Variants in CCNY observed in about 807,000 individuals in gnomAD.
CCNY encodes the protein cyclin-Y.
A neutral mutation model predicts 42.8 loss-of-function variants in CCNY; 19 were observed. The ratio of observed to expected loss-of-function variants is 0.44; its 90% CI spans 0.31 to 0.65. The LOEUF (loss-of-function observed/expected upper bound fraction) is 0.65. Ranked by LOEUF, CCNY falls within the 30% of genes least tolerant of loss-of-function variation. The pLI, the probability that CCNY is intolerant of heterozygous loss-of-function variation, is 0.07. For synonymous variants in CCNY, 165 were observed against 162.7 expected (o/e 1.01, Z -0.11); for missense variants, 370 against 437.3 (o/e 0.85, Z 1.37).
intron 3 of CCNY, among the ~76,000 whole-genome samples, chr10:35,278,149 A>C (rs749921943): frequency 3.9e-5 from 6 of 152,112 alleles, no homozygotes; most frequent in Non-Finnish European, 7.4e-5. Flanking sequence ...CCAGCTCTCC[A>C]GCAAGTCTTC....
intron 2 of CCNY, among the ~76,000 whole-genome samples, chr10:35,492,258 C>T (rs1195368071): frequency 6.6e-6 from 1 of 152,226 alleles, no homozygotes; most frequent in African/African-American, 2.4e-5. Context: ...GGGTCCCCTC[C>T]CCTCCAGGCC....
chr10:35,323,252 T>C (rs923003548), intron 3 of CCNY, among the ~76,000 whole-genome samples: 11 of 152,166 alleles, frequency 7.2e-5, no homozygotes, highest in Middle Eastern at 6.8e-3. Flanking sequence ...AAATTAAACA[T>C]ACACTTAGCA....
intron 7 of CCNY, among the ~76,000 whole-genome samples, chr10:35,535,745 T>A (rs1352390387): frequency 6.6e-6 from 1 of 152,176 alleles, no homozygotes; most frequent in Non-Finnish European, 1.5e-5. Flanking sequence ...AGCGTTTACA[T>A]TGTATTAGGT....
chr10:35,542,118 T>C (rs953106663), intron 7 of CCNY, among the ~76,000 whole-genome samples: 1 of 148,028 alleles, frequency 6.8e-6, no homozygotes, highest in African/African-American at 2.5e-5. Flanking sequence ...GACACCATAT[T>C]GTATCTAGTT....
At chr10:35,354,669 G>A (rs926288756) in intron 1 of CCNY, among the ~76,000 whole-genome samples, 5 of 152,164 alleles carry the variant, frequency 3.3e-5, no homozygotes, top group Admixed American at 6.5e-5. Context: ...TGTTCATTGT[G>A]TTTAACAGAA....
chr10:35,381,165 C>T (rs898198827), intron 1 of CCNY, among the ~76,000 whole-genome samples: 1 of 152,138 alleles, frequency 6.6e-6, no homozygotes, highest in African/African-American at 2.4e-5. Flanking sequence ...GATATTCTTT[C>T]CCCCAAAATC....
At chr10:35,473,499 C>T (rs2135348725) in intron 1 of CCNY, among the ~76,000 whole-genome samples, 1 of 152,116 alleles carries the variant, frequency 6.6e-6, no homozygotes, top group East Asian at 1.9e-4. Context: ...AAAGGCGGGT[C>T]TAAGGGAGGC....
At chr10:35,346,620 A>G (rs1836309359) in intron 1 of CCNY, among the ~76,000 whole-genome samples, 1 of 152,168 alleles carries the variant, frequency 6.6e-6, no homozygotes, top group African/African-American at 2.4e-5. Context: ...GAAGATGGAC[A>G]TTCTATACAT....
At chr10:35,367,012 G>T (rs1414571295) in intron 1 of CCNY, among the ~76,000 whole-genome samples, 1 of 152,182 alleles carries the variant, frequency 6.6e-6, no homozygotes, top group Non-Finnish European at 1.5e-5. Context: ...TAACTGAATT[G>T]TCTGTTGTTC....
At chr10:35,418,344 C>T (rs1487787576) in intron 1 of CCNY, among the ~76,000 whole-genome samples, 3 of 152,094 alleles carry the variant, frequency 2.0e-5, no homozygotes, top group African/African-American at 4.8e-5. Flanking sequence ...TTGATCACCA[C>T]ACTTTCTCAA....
intron 3 of CCNY, among the ~76,000 whole-genome samples, chr10:35,309,579 C>T (rs1050090801): frequency 5.9e-5 from 9 of 152,082 alleles, no homozygotes; most frequent in Non-Finnish European, 1.2e-4. Context: ...CACCACCATA[C>T]CCAGCTAATT....
intron 1 of CCNY, among the ~76,000 whole-genome samples, chr10:35,418,663 G>A (rs1044330543): frequency 3.3e-5 from 5 of 151,960 alleles, no homozygotes; most frequent in African/African-American, 1.2e-4. Flanking sequence ...GTATGTGGGG[G>A]ACAGTGGAGG....
chr10:35,478,287 A>C (rs1839567620), intron 1 of CCNY, among the ~76,000 whole-genome samples: 1 of 151,280 alleles, frequency 6.6e-6, no homozygotes, highest in Non-Finnish European at 1.5e-5. Flanking sequence ...GGAAAAAACT[A>C]CTTTAAAGTT....
chr10:35,300,557 C>T (rs1835522000), intron 3 of CCNY, among the ~76,000 whole-genome samples: 1 of 152,086 alleles, frequency 6.6e-6, no homozygotes, highest in South Asian at 2.1e-4. Flanking sequence ...AGTCTTGTCT[C>T]ATATTTGTTT....
chr10:35,444,338 C>T (rs186221038), intron 1 of CCNY, among the ~76,000 whole-genome samples: 21 of 151,922 alleles, frequency 1.4e-4, no homozygotes, highest in African/African-American at 4.8e-4. Context: ...ACCTCTGCCC[C>T]CCGGGTTCAA....
intron 1 of CCNY, among the ~76,000 whole-genome samples, chr10:35,398,004 G>C (rs1010739059): frequency 2.0e-5 from 3 of 152,206 alleles, no homozygotes; most frequent in African/African-American, 7.2e-5. Flanking sequence ...ACCAGACTCT[G>C]TTCTCTGAGC....
At position 35,529,964 on chromosome 10, in the gene CCNY, C is replaced by T. The variant is rs756523858; in HGVS notation, c.402-9C>T. Reference sequence around the variant, plus strand: ...AGTAAGTTTCATTTTCTATTATTTTCCCTACCAGGGACCCAGATGGAAGGA... The same window carrying T: ...AGTAAGTTTCATTTTCTATTATTTTTCCTACCAGGGACCCAGATGGAAGGA... On this transcript the variant is annotated splice_polypyrimidine_tract_variant and intron_variant, in intron 5 of 9. Coordinates refer to ENST00000374704, the MANE Select transcript of CCNY (RefSeq NM_145012.6). 19 of 1,609,104 alleles carry T rather than the reference C, an allele frequency of 1.2e-5. No individual in the cohort carries two copies. The South Asian group carries it at 2.0e-4, about 17-fold the overall frequency.
intron 2 of CCNY, among the ~76,000 whole-genome samples, chr10:35,484,968 C>T (rs754612242): frequency 6.6e-6 from 1 of 152,332 alleles, no homozygotes; most frequent in East Asian, 1.9e-4. Context: ...GGAACTGTAT[C>T]TTCCCTCGTC....
chr10:35,318,879 T>C (rs1446809293), intron 3 of CCNY, among the ~76,000 whole-genome samples: 4 of 152,202 alleles, frequency 2.6e-5, no homozygotes, highest in Non-Finnish European at 5.9e-5. Context: ...CCCCTTCCCT[T>C]GAGACGTGGT....
Sources: gnomAD v4.1 joint callset for allele counts (sites outside exome capture counted in the v4.1 genomes callset) on GRCh38, gnomAD v4.1.1 for gene constraint, MANE v1.5 for transcripts, NCBI Gene and HGNC (gene_info 2026-07-23, HGNC 2026-07-21) for gene names.